Variants in GSR observed in about 807,000 individuals in gnomAD.
GSR encodes glutathione-disulfide reductase, also known as glutathione reductase, mitochondrial.
Under a neutral mutation model 56.5 loss-of-function variants are expected in GSR, and 48 were observed. The observed-to-expected ratio is 0.85, with a 90% confidence interval of 0.67 to 1.08. The LOEUF (loss-of-function observed/expected upper bound fraction) is 1.08. Among genes scored for constraint, GSR ranks in the 50% least tolerant of loss-of-function variants. The pLI is 0.00. For synonymous variants in GSR, 264 were observed against 270.8 expected (o/e 0.97, Z 0.25); for missense variants, 694 against 703.3 (o/e 0.99, Z 0.15).
rs200328808 is a variant in GSR, at chr8:30,709,888, T to C, written c.348A>G (p.Thr116=). Residue 116 remains threonine (T), a synonymous_variant, in exon 3 of 13, where the codon ACA becomes ACG. Transcript: ENST00000221130. ...GCVPKKVMWN[T]AVHSEFMHDH... is the part of the protein sequence containing the mutation. ...CATGCATGAATTCAGAGTGGACAGCTGTGTTCCACATTACCTGTAAAAAAA... is the reference window on the plus strand; with the variant it reads ...CATGCATGAATTCAGAGTGGACAGCCGTGTTCCACATTACCTGTAAAAAAA... 3 of 1,544,276 alleles carry C rather than the reference T, an allele frequency of 1.9e-6. No homozygotes were observed. Among genetic ancestry groups the C allele is most frequent in the East Asian group, 4.5e-5 (2 of 44,500 alleles).
At chr8:30,720,949 C>A (rs183011313) in intron 1 of GSR, among the ~76,000 whole-genome samples, 95 of 152,054 alleles carry the variant, frequency 6.2e-4, no homozygotes, top group Admixed American at 2.4e-3. Flanking sequence ...CACAGCGAGA[C>A]CCCATCACCA....
At chr8:30,689,746 GTATATATATA>G (rs35206861) in intron 8 of GSR, among the ~76,000 whole-genome samples, 82 of 138,622 alleles carry the variant, frequency 5.9e-4, no homozygotes, top group Non-Finnish European at 1.2e-3. Context: ...GTGTGTGTGT[GTATATATATA>G]TATATACACA....
chr8:30,704,877 G>A (rs535187066), intron 4 of GSR: 3 of 152,314 alleles, frequency 2.0e-5, no homozygotes, highest in Admixed American at 2.0e-4. Context: ...AGACAAAAAG[G>A]AGTATGGCTC....
At chr8:30,715,199 G>A (rs923347947) in intron 1 of GSR, among the ~76,000 whole-genome samples, 3 of 152,130 alleles carry the variant, frequency 2.0e-5, no homozygotes, top group Middle Eastern at 3.4e-3. Context: ...AGGCTGAGGC[G>A]GAAGGATCTC....
chr8:30,705,650 T>C (rs1803895613), intron 4 of GSR, among the ~76,000 whole-genome samples: 1 of 152,130 alleles, frequency 6.6e-6, no homozygotes, highest in Non-Finnish European at 1.5e-5. Flanking sequence ...GAGGATTGCT[T>C]GAGCCTGGGA....
At chr8:30,715,158 T>G (rs1282973363) in intron 1 of GSR, among the ~76,000 whole-genome samples, 4 of 152,074 alleles carry the variant, frequency 2.6e-5, no homozygotes, top group African/African-American at 9.7e-5. Flanking sequence ...TTGGGTTTGG[T>G]GGTGCATGCC....
In GSR at chr8:30,702,261, A is replaced by G. The variant is rs568738995; in HGVS notation, c.640+832T>C. ...CTTGAACCCAGGAGGTGGAGGTTGC[A>G]GTGAGCTGAGGTTGTGCCACTGCAC... is the stretch of plus-strand genomic sequence containing the variant. On this transcript the variant is annotated intron_variant, in intron 5 of 12. Transcript: ENST00000221130. 2.6e-5 allele frequency among the ~76,000 whole-genome samples: 4 copies of G among 152,092 alleles called. No homozygotes were observed. The South Asian group carries it at 8.3e-4, about 32-fold the overall frequency.
intron 9 of GSR, among the ~76,000 whole-genome samples, chr8:30,686,004 A>G (rs1803150065): frequency 6.7e-6 from 1 of 150,366 alleles, no homozygotes; most frequent in Non-Finnish European, 1.5e-5. Flanking sequence ...AAAAAAAAAA[A>G]AAAAAAAAAG....
intron 1 of GSR, among the ~76,000 whole-genome samples, chr8:30,719,516 G>T (rs1454331392): frequency 6.6e-6 from 1 of 151,828 alleles, no homozygotes; most frequent in East Asian, 2.0e-4. Flanking sequence ...CTCCCAAAGT[G>T]CTGGGATAAC....
At position 30,727,619 on chromosome 8, in the gene GSR, C is replaced by A. The variant is rs1288876629; in HGVS notation, c.217G>T (p.Gly73Cys). Residue 73 changes from glycine (G) to cysteine (C), a missense_variant, in exon 1 of 13, where the codon GGC (glycine) becomes TGC (cysteine). By Grantham distance (159) the Gly-to-Cys change is radical. Coordinates refer to ENST00000221130, the MANE Select transcript of GSR (RefSeq NM_000637.5). ...CGCGCGCTGGCCAGCCCGCCCGAGC[C>A]GCCCCCGATCACCAGGTAGTCATAG... is the stretch of plus-strand genomic sequence containing the variant. ...ASYDYLVIGGGSGGLASARRA... is the reference protein window; with the variant it reads ...ASYDYLVIGGCSGGLASARRA... The A allele has an allele frequency of 4.6e-6, 7 of 1,510,164 alleles. No homozygotes were observed. The highest frequency in any genetic ancestry group is 6.2e-6 in the Non-Finnish European group (7 of 1,136,030). 93.5% of individuals were successfully genotyped at this position (1,510,164 alleles called of 1,614,324 possible). A position where few individuals can be genotyped will look rare whatever the true frequency, so the allele number is the denominator to read the frequency against.
At chr8:30,696,955 T>A (rs745845156) in intron 6 of GSR, among the ~76,000 whole-genome samples, 2 of 152,104 alleles carry the variant, frequency 1.3e-5, no homozygotes, top group Non-Finnish European at 2.9e-5. Flanking sequence ...TACCTTGGCC[T>A]CCCAAAGTGC....
intron 9 of GSR, among the ~76,000 whole-genome samples, chr8:30,685,505 C>T (rs989472138): frequency 6.6e-6 from 1 of 152,036 alleles, no homozygotes; most frequent in African/African-American, 2.4e-5. Context: ...AAAGTAAAAG[C>T]AAAACAAAAC....
rs911572990 is a variant in GSR, at chr8:30,683,344, C to T, written c.1153+744G>A. Among the ~76,000 whole-genome samples, 5 of 152,052 alleles carry T rather than the reference C, an allele frequency of 3.3e-5. No homozygotes were observed. In the South Asian group the frequency reaches 8.3e-4, roughly 25 times the overall value. Reference sequence around the variant, plus strand: ...ATAAGGCCCTGGGACACGCTGGAATCGCTGATGAGGTTCTAGGTACAGACT... The same window carrying T: ...ATAAGGCCCTGGGACACGCTGGAATTGCTGATGAGGTTCTAGGTACAGACT... On this transcript the variant is annotated intron_variant, in intron 10 of 12. Transcript: ENST00000221130.
At position 30,684,073 on chromosome 8, in the gene GSR, G is replaced by A. The variant is rs1188572008; in HGVS notation, c.1153+15C>T. On this transcript the variant is annotated intron_variant, in intron 10 of 12. Coordinates refer to ENST00000221130, the MANE Select transcript of GSR (RefSeq NM_000637.5). ...CACGCAGACCCTCCCTCACCAAGAAGGGAAGAGACCTTACCTGGAGTAAGA... is the reference window on the plus strand; with the variant it reads ...CACGCAGACCCTCCCTCACCAAGAAAGGAAGAGACCTTACCTGGAGTAAGA... 2 of 1,316,030 alleles carry A rather than the reference G, an allele frequency of 1.5e-6. No homozygotes were observed. Among genetic ancestry groups the A allele is most frequent in the Admixed American group, 1.7e-5 (1 of 59,644 alleles). The allele number at this position is 1,316,030 out of a possible 1,614,324, so 81.5% of individuals were successfully genotyped here. A position where few individuals can be genotyped will look rare whatever the true frequency, so the allele number is the denominator to read the frequency against.
chr8:30,716,580 G>A (rs550971124), intron 1 of GSR, among the ~76,000 whole-genome samples: 1 of 152,340 alleles, frequency 6.6e-6, no homozygotes, highest in South Asian at 2.1e-4. Flanking sequence ...GGCCAAGGCA[G>A]GTGGATCGCT....
intron 1 of GSR, among the ~76,000 whole-genome samples, chr8:30,724,769 C>A (rs1804669719): frequency 6.6e-6 from 1 of 152,102 alleles, no homozygotes; most frequent in Non-Finnish European, 1.5e-5. Context: ...CTCCTGACCT[C>A]AGGTGATCTG....
Position 30,696,409 on chromosome 8 carries a change from T to C in GSR, c.766A>G (p.Lys256Glu). 1 of 1,611,280 alleles carries C rather than the reference T, an allele frequency of 6.2e-7. No individual in the cohort carries two copies. The highest frequency in any genetic ancestry group is 8.5e-7 in the Non-Finnish European group (1 of 1,177,400). ...MAGILSALGS[K>E]TSLMIRHDKV... ...TCATGCCGTATCATCAGTGATGTCT[T>C]AGAACCCAGGGCTGACAGGATCCCT... Residue 256 changes from lysine (K) to glutamate (E), a missense_variant, in exon 7 of 13, where the codon AAG (lysine) becomes GAG (glutamate). Physicochemically the swap from Lys to Glu is moderately conservative, Grantham distance 56. Coordinates refer to ENST00000221130, the MANE Select transcript of GSR (RefSeq NM_000637.5).
intron 7 of GSR, among the ~76,000 whole-genome samples, chr8:30,694,636 T>C (rs1252954248): frequency 1.3e-5 from 2 of 150,946 alleles, no homozygotes; most frequent in Admixed American, 6.6e-5. Flanking sequence ...TCTAAAAATA[T>C]ATAAAAAGTA....
intron 4 of GSR, among the ~76,000 whole-genome samples, chr8:30,704,315 G>T (rs910825786): frequency 1.3e-5 from 2 of 151,992 alleles, no homozygotes; most frequent in African/African-American, 4.8e-5. Context: ...ACAGAGACAA[G>T]ACCCTCTCTC....
Sources: gnomAD v4.1 joint callset for allele counts (sites outside exome capture counted in the v4.1 genomes callset) on GRCh38, gnomAD v4.1.1 for gene constraint, MANE v1.5 for transcripts, NCBI Gene and HGNC (gene_info 2026-07-23, HGNC 2026-07-21) for gene names.